Variants in UTP6 observed in about 807,000 individuals in gnomAD.
UTP6 encodes the protein U3 small nucleolar RNA-associated protein 6 homolog.
UTP6 carries 60 observed loss-of-function variants against 96.5 expected under a neutral mutation model. The observed-to-expected ratio is 0.62, with a 90% CI of 0.51 to 0.77. The LOEUF (loss-of-function observed/expected upper bound fraction) is 0.77, where lower values mean the gene tolerates loss of function less well. UTP6 is among the 30% of genes least tolerant of loss of function. UTP6 has a pLI of 0.00. For synonymous variants in UTP6, 215 were observed against 240.1 expected, an observed-to-expected ratio of 0.90 and a Z score of 0.96; for missense variants, 637 against 706.5, an observed-to-expected ratio of 0.90 and a Z score of 1.12.
In UTP6 at chr17:31,887,323, A is replaced by T. The variant is rs746070033; in HGVS notation, c.544-10T>A. 1.2e-6 allele frequency: 2 copies of T among 1,612,100 alleles called. No homozygotes were observed. The highest frequency in any genetic ancestry group is 4.5e-5 in the East Asian group (2 of 44,826). On this transcript the variant is annotated splice_polypyrimidine_tract_variant and intron_variant, in intron 7 of 18. Transcript: ENST00000261708. ...GCTCCATCCTAAAGTACTACAGAAG[A>T]GAAATAAACTGAAAATCTTTGGAGA...
intron 7 of UTP6, chr17:31,887,997 A>G (rs1222865852): frequency 6.7e-6 from 1 of 149,814 alleles, no homozygotes; most frequent in Non-Finnish European, 1.5e-5. Flanking sequence ...ATTAAATAGC[A>G]GTTTCTCTTT....
At chr17:31,885,677 A>G (rs1911105488) in intron 9 of UTP6, among the ~76,000 whole-genome samples, 1 of 151,904 alleles carries the variant, frequency 6.6e-6, no homozygotes, top group African/African-American at 2.4e-5. Context: ...AGTCCCAGCT[A>G]CTTGGGAGGC....
At chr17:31,892,899 G>A in intron 4 of UTP6, 105 bp from the exon 5 acceptor site, 1 of 1,350,732 alleles carries the variant, frequency 7.4e-7, no homozygotes. Context: ...CAGGTTGGAT[G>A]CGGTGGCTCA....
In UTP6 at chr17:31,889,475, C is replaced by T. The variant is rs1050705216; in HGVS notation, c.425-72G>A. Reference sequence around the variant, plus strand: ...TCAGACAAGAAAAGAACCAAATGATCCAATTTTAATACTCGCACAATTTTT... The same window carrying T: ...TCAGACAAGAAAAGAACCAAATGATTCAATTTTAATACTCGCACAATTTTT... On this transcript the variant is annotated intron_variant, in intron 6 of 18. Coordinates refer to ENST00000261708, the MANE Select transcript of UTP6 (RefSeq NM_018428.3). 1.7e-5 allele frequency: 20 copies of T among 1,198,744 alleles called. No homozygotes were observed. In the African/African-American group the frequency reaches 3.1e-4, roughly 19 times the overall value. 74.3% of individuals were successfully genotyped at this position (1,198,744 alleles called of 1,614,324 possible).
intron 17 of UTP6, 98 bp from the exon 18 acceptor site, chr17:31,865,536 T>C (rs1465304141): frequency 8.2e-7 from 1 of 1,216,762 alleles, no homozygotes; most frequent in African/African-American, 1.5e-5. Context: ...GTCAGGTATT[T>C]GAAGGGAAGA....
chr17:31,864,796 T>C (rs1448340484), intron 18 of UTP6, among the ~76,000 whole-genome samples: 1 of 151,988 alleles, frequency 6.6e-6, no homozygotes, highest in Non-Finnish European at 1.5e-5. Flanking sequence ...TTACTTTTTT[T>C]TTTTTATTGT....
rs372269857 is a variant in UTP6 at position 31,892,710 on chromosome 17, C to T, written c.360+37G>A. The stretch of plus-strand genomic sequence containing the variant: ...CTTAAAGGGCAGATTAACAAAAAGA[C>T]GGTCAGAGGAAGCAAGACATGCATG... On this transcript the variant is annotated intron_variant, in intron 5 of 18. Coordinates refer to ENST00000261708, the MANE Select transcript of UTP6 (RefSeq NM_018428.3). 1,914 of 1,613,014 alleles carry T rather than the reference C, an allele frequency of 1.2e-3. 1 individual carries two copies. Among genetic ancestry groups the T allele is most frequent in the Non-Finnish European group, 1.5e-3 (1,773 of 1,179,378 alleles).
chr17:31,895,456 G>A (rs1299266958), intron 2 of UTP6, among the ~76,000 whole-genome samples: 1 of 152,136 alleles, frequency 6.6e-6, no homozygotes, highest in Non-Finnish European at 1.5e-5. Context: ...CATGACTTTG[G>A]ACTTTATTAT....
At chr17:31,892,392 G>T in intron 5 of UTP6, 69 bp from the exon 6 acceptor site, 2 of 1,459,420 alleles carry the variant, frequency 1.4e-6, no homozygotes, top group Non-Finnish European at 1.9e-6. Context: ...TAAGTAATAT[G>T]TACCCTAACT....
chr17:31,875,127 G>T, intron 14 of UTP6, 107 bp downstream of exon 14: 2 of 1,296,030 alleles, frequency 1.5e-6, no homozygotes, highest in Non-Finnish European at 2.1e-6. Context: ...AATAGCAAAT[G>T]CCACTCTAGA....
chr17:31,878,427 A>G, intron 12 of UTP6, 100 bp from the exon 13 acceptor site: 2 of 1,198,782 alleles, frequency 1.7e-6, no homozygotes, highest in Non-Finnish European at 2.4e-6. Flanking sequence ...CTTAAAATTC[A>G]AAGAAGCTGA....
chr17:31,893,211 C>G (rs1414567789), intron 4 of UTP6, among the ~76,000 whole-genome samples: 2 of 151,936 alleles, frequency 1.3e-5, no homozygotes, highest in Admixed American at 6.6e-5. Context: ...AGGCCGAGAT[C>G]GGGCCACTGC....
At chr17:31,886,420 T>C (rs1025739753) in intron 8 of UTP6, among the ~76,000 whole-genome samples, 2 of 152,218 alleles carry the variant, frequency 1.3e-5, no homozygotes, top group Admixed American at 1.3e-4. Context: ...TCCTAGCACT[T>C]TGGGAAGCCG....
At chr17:31,901,208 T>C (rs1904962195) in intron 1 of UTP6, 1 of 311,702 alleles carries the variant, frequency 3.2e-6, no homozygotes, top group South Asian at 3.6e-5. Context: ...AGTACACTGT[T>C]ATCAAAATAT....
chr17:31,863,449 C>G lies in UTP6; in HGVS notation c.1704G>C (p.Gln568His). The stretch of plus-strand genomic sequence containing the variant: ...ACATTTTCATCGCTCGCCAGTAGAT[C>G]TGTCCACAGTTCTCAGGTCTACCAA... Reference protein sequence around the residue: ...HPLGRPENCGQIYWRAMKMLQ... With the variant: ...HPLGRPENCGHIYWRAMKMLQ... Residue 568 changes from glutamine to histidine, a missense_variant, in exon 19 of 19, where the codon CAG (glutamine) becomes CAC (histidine). Coordinates refer to ENST00000261708, the MANE Select transcript of UTP6 (RefSeq NM_018428.3). 6.2e-7 allele frequency: 1 copy of G among 1,614,154 alleles called. No individual in the cohort carries two copies. The highest frequency in any genetic ancestry group is 8.5e-7 in the Non-Finnish European group (1 of 1,180,028).
chr17:31,900,777 A>G (rs7225340), intron 1 of UTP6, among the ~76,000 whole-genome samples: 4,472 of 152,278 alleles, frequency 0.029, 225 homozygotes, highest in African/African-American at 0.1. Context: ...GTCCTTAGCT[A>G]AGGAATGAAC....
At position 31,880,712 on chromosome 17, in the gene UTP6, A is replaced by G; in HGVS notation, c.828T>C (p.Tyr276=). Residue 276 remains tyrosine, a synonymous_variant, in exon 11 of 19, where the codon TAT becomes TAC. Transcript: ENST00000261708. ...LHTDDPLTWD[Y]VARRELEIES... ...CAATCTCTAATTCTCGCCTTGCCAC[A>G]TAATCCCAAGTGAGAGGATCATCTG... 1 of 1,614,180 alleles carries G rather than the reference A, an allele frequency of 6.2e-7. No individual in the cohort carries two copies. The highest frequency in any genetic ancestry group is 1.1e-5 in the South Asian group (1 of 91,086).
intron 13 of UTP6, among the ~76,000 whole-genome samples, chr17:31,877,118 T>TA (rs1910543452): frequency 6.6e-6 from 1 of 152,162 alleles, no homozygotes; most frequent in Admixed American, 6.5e-5. Flanking sequence ...TAACATAAAC[T>TA]AAAGCAAATT....
rs902416418 is a variant in UTP6 at position 31,861,464 on chromosome 17, A to T, written c.*1895T>A. 21 of 152,070 alleles carry T rather than the reference A, an allele frequency of 1.4e-4. No homozygotes were observed. The highest frequency in any genetic ancestry group is 1.2e-3 in the Admixed American group (19 of 15,266). The allele number at this position is 152,070 out of a possible 1,614,324, so 9.4% of individuals were successfully genotyped here. A position where few individuals can be genotyped will look rare whatever the true frequency, so the allele number is the denominator to read the frequency against. On this transcript the variant is annotated 3_prime_UTR_variant, in exon 19 of 19. Coordinates refer to ENST00000261708, the MANE Select transcript of UTP6 (RefSeq NM_018428.3). ...GACCAGTCTCTACAAAAAAAAATTTAAATTAACCAGGCATGGTGGTGTGCA... is the reference window on the plus strand; with the variant it reads ...GACCAGTCTCTACAAAAAAAAATTTTAATTAACCAGGCATGGTGGTGTGCA...
Sources: allele counts gnomAD v4.1 joint callset (sites outside exome capture counted in the v4.1 genomes callset), GRCh38; gene constraint gnomAD v4.1.1; transcripts MANE v1.5; gene names NCBI Gene and HGNC (gene_info 2026-07-23, HGNC 2026-07-21).